NCAPG2: variants seen among roughly 807,000 people sequenced by gnomAD.
NCAPG2 encodes non-SMC condensin II complex subunit G2, also known as condensin-2 complex subunit G2.
In NCAPG2, 53 loss-of-function variants were observed where a neutral mutation model predicts 141.1. That is an observed-to-expected ratio of 0.38 (90% CI 0.30 to 0.47). The LOEUF (loss-of-function observed/expected upper bound fraction) is 0.47. Ranked by LOEUF, NCAPG2 falls within the 20% of genes least tolerant of loss-of-function variation. The pLI is 0.99. For synonymous variants in NCAPG2, 499 were observed against 490.7 expected (o/e 1.02, Z -0.22); for missense variants, 1,087 against 1,389.0 (o/e 0.78, Z 3.46).
In NCAPG2 at chr7:158,675,623, A is replaced by C; in HGVS notation, c.1180T>G (p.Ser394Ala). The C allele has an allele frequency of 6.2e-7, 1 of 1,613,278 alleles. No individual in the cohort carries two copies. Residue 394 changes from serine (S) to alanine (A), a missense_variant, in exon 12 of 28, where the codon TCC becomes GCC. Transcript: ENST00000356309. ...TTACAAACACCAAGGATCCCTGTGG[A>C]ACGGACCATCGGGTAAGGATCTTCT... Reference protein sequence around the residue: ...LLEDPYPMVRSTGILGVCKIT... With the variant: ...LLEDPYPMVRATGILGVCKIT...
Position 158,701,903 on chromosome 7 carries a change from A to G in NCAPG2, c.-4T>C. The G allele has an allele frequency of 6.2e-7, 1 of 1,611,064 alleles. No individual in the cohort carries two copies. Among genetic ancestry groups the G allele is most frequent in the South Asian group, 1.1e-5 (1 of 90,038 alleles). ...CAAACGTCTCACGTTTTTCCATGAC[A>G]GATGGCACTGTTCAAATGGCATTTA... On this transcript the variant is annotated 5_prime_UTR_variant, in exon 2 of 28. Transcript: ENST00000356309.
intron 27 of NCAPG2, among the ~76,000 whole-genome samples, chr7:158,632,349 G>C (rs1447018668): frequency 6.6e-6 from 1 of 152,142 alleles, no homozygotes; most frequent in African/African-American, 2.4e-5. Flanking sequence ...TATTAGACAG[G>C]TAGCATATCA....
intron 12 of NCAPG2, among the ~76,000 whole-genome samples, chr7:158,672,288 G>GTATA (rs1563549278): frequency 2.8e-4 from 7 of 24,604 alleles, no homozygotes; most frequent in Admixed American, 1.3e-3. Flanking sequence ...ATGTGTGTGT[G>GTATA]TGTGTATATA....
At chr7:158,675,321 T>A (rs1833985565) in intron 12 of NCAPG2, among the ~76,000 whole-genome samples, 156 bp downstream of exon 12, 1 of 152,346 alleles carries the variant, frequency 6.6e-6, no homozygotes, top group South Asian at 2.1e-4. Context: ...CACTTTGAAT[T>A]TGGTTTTTAA....
intron 1 of NCAPG2, among the ~76,000 whole-genome samples, chr7:158,703,225 A>G (rs1053774094): frequency 6.6e-6 from 1 of 152,226 alleles, no homozygotes; most frequent in African/African-American, 2.4e-5. Context: ...TGACAAAGAA[A>G]ATGGGGAGGG....
chr7:158,638,971 AG>A (rs1008505563), intron 27 of NCAPG2, among the ~76,000 whole-genome samples: 25 of 152,222 alleles, frequency 1.6e-4, no homozygotes, highest in African/African-American at 6.0e-4. Context: ...CCTCATATCA[AG>A]TATAAAACCA....
At chr7:158,642,437 C>T (rs1830714649) in intron 27 of NCAPG2, among the ~76,000 whole-genome samples, 1 of 152,098 alleles carries the variant, frequency 6.6e-6, no homozygotes, top group South Asian at 2.1e-4. Context: ...ACTTGGGAGG[C>T]TTAGATGGGA....
At chr7:158,672,620 C>T (rs150128163) in intron 12 of NCAPG2, among the ~76,000 whole-genome samples, 3 of 151,926 alleles carry the variant, frequency 2.0e-5, no homozygotes, top group African/African-American at 2.4e-5. Flanking sequence ...GGACTACAGG[C>T]GTGAGCCATC....
At chr7:158,647,652 T>C (rs1831129040) in intron 24 of NCAPG2, among the ~76,000 whole-genome samples, 1 of 152,116 alleles carries the variant, frequency 6.6e-6, no homozygotes, top group African/African-American at 2.4e-5. Flanking sequence ...GCCCGATTCT[T>C]GGCTATCTTA....
At chr7:158,678,354 G>A (rs193010312) in intron 11 of NCAPG2, among the ~76,000 whole-genome samples, 139 of 152,246 alleles carry the variant, frequency 9.1e-4, no homozygotes, top group African/African-American at 3.2e-3. Flanking sequence ...GAACAATGCC[G>A]CAGGCCAGAC....
intron 2 of NCAPG2, among the ~76,000 whole-genome samples, chr7:158,697,907 CG>C (rs1563583789): frequency 6.6e-6 from 1 of 152,008 alleles, no homozygotes. Flanking sequence ...CACATGGACA[CG>C]GGGGAACAAC....
intron 26 of NCAPG2, among the ~76,000 whole-genome samples, chr7:158,645,221 C>T (rs527467667): frequency 2.4e-4 from 36 of 151,752 alleles, no homozygotes; most frequent in South Asian, 1.3e-3. Flanking sequence ...AATTCAATGC[C>T]GAGGCACAGA....
At chr7:158,653,148 C>G (rs1831608641) in intron 22 of NCAPG2, among the ~76,000 whole-genome samples, 1 of 151,944 alleles carries the variant, frequency 6.6e-6, no homozygotes, top group Non-Finnish European at 1.5e-5. Flanking sequence ...GTGGGTGGAT[C>G]ACTTGAGTTT....
intron 11 of NCAPG2, among the ~76,000 whole-genome samples, chr7:158,676,296 G>A (rs565662173): frequency 5.9e-5 from 9 of 152,316 alleles, no homozygotes; most frequent in African/African-American, 2.2e-4. Context: ...AAACGTCATA[G>A]AATAATTTGG....
intron 4 of NCAPG2, 134 bp downstream of exon 4, chr7:158,692,708 T>C: frequency 1.4e-6 from 1 of 692,236 alleles, no homozygotes; most frequent in South Asian, 1.7e-5. Context: ...GCCATTGCAC[T>C]CCTGCCTAGG....
At chr7:158,648,985 C>T (rs191275846) in intron 24 of NCAPG2, among the ~76,000 whole-genome samples, 172 of 152,276 alleles carry the variant, frequency 1.1e-3, no homozygotes, top group South Asian at 2.1e-3. Context: ...ACTACAACCA[C>T]GGCAAAGAAA....
intron 15 of NCAPG2, among the ~76,000 whole-genome samples, chr7:158,663,979 A>G (rs771211894): frequency 6.6e-6 from 1 of 152,244 alleles, no homozygotes; most frequent in Non-Finnish European, 1.5e-5. Flanking sequence ...TTTCTTCTGT[A>G]TTAAGTCCTA....
chr7:158,675,762 T>A (rs1834010632), intron 11 of NCAPG2, 106 bp from the exon 12 acceptor site: 1 of 1,193,014 alleles, frequency 8.4e-7, no homozygotes, highest in Non-Finnish European at 1.2e-6. Flanking sequence ...AGAGAAACTT[T>A]GAGCATAGAA....
At chr7:158,679,008 TTTG>T (rs991979895) in intron 11 of NCAPG2, among the ~76,000 whole-genome samples, 3 of 152,006 alleles carry the variant, frequency 2.0e-5, no homozygotes, top group Non-Finnish European at 2.9e-5. Flanking sequence ...TGTTTTTTTG[TTTG>T]TTGTTGTTGT....
Sources: allele counts gnomAD v4.1 joint callset (sites outside exome capture counted in the v4.1 genomes callset), GRCh38; gene constraint gnomAD v4.1.1; transcripts MANE v1.5; gene names NCBI Gene and HGNC (gene_info 2026-07-23, HGNC 2026-07-21).